CARMIL1: variants seen among roughly 807,000 people sequenced by gnomAD.
CARMIL1 encodes F-actin-uncapping protein LRRC16A.
CARMIL1 carries 90 observed loss-of-function variants against 177.1 expected under a neutral mutation model. That is an observed-to-expected ratio of 0.51 (90% CI 0.43 to 0.61). The LOEUF (loss-of-function observed/expected upper bound fraction) is 0.61. Among genes scored for constraint, CARMIL1 ranks in the 20% least tolerant of loss-of-function variants. The pLI is 0.00. For synonymous variants in CARMIL1, 577 were observed against 606.2 expected (o/e 0.95, Z 0.71); for missense variants, 1,380 against 1,667.0 (o/e 0.83, Z 3.00).
intron 2 of CARMIL1, among the ~76,000 whole-genome samples, chr6:25,321,827 T>G (rs1022370788): frequency 6.0e-5 from 9 of 151,210 alleles, no homozygotes; most frequent in Non-Finnish European, 1.2e-4. Context: ...CCCGGCTAAT[T>G]TTTTGTATTT....
chr6:25,532,114 T>C (rs1807820587), intron 24 of CARMIL1, among the ~76,000 whole-genome samples: 1 of 148,012 alleles, frequency 6.8e-6, no homozygotes, highest in Non-Finnish European at 1.5e-5. Context: ...TTTCCTTTTT[T>C]TTGAGACAGA....
intron 5 of CARMIL1, among the ~76,000 whole-genome samples, chr6:25,437,699 C>T (rs1797353349): frequency 6.6e-6 from 1 of 152,194 alleles, no homozygotes; most frequent in East Asian, 1.9e-4. Context: ...TTCTGTATTT[C>T]TGTCTCAATT....
intron 2 of CARMIL1, among the ~76,000 whole-genome samples, chr6:25,373,615 G>A (rs375189259): frequency 2.8e-5 from 4 of 142,052 alleles, no homozygotes; most frequent in South Asian, 4.4e-4. Context: ...ACAGAGTCTC[G>A]CTTTATCACC....
intron 2 of CARMIL1, among the ~76,000 whole-genome samples, chr6:25,308,570 A>G (rs1297330682): frequency 6.6e-6 from 1 of 151,784 alleles, no homozygotes; most frequent in African/African-American, 2.4e-5. Flanking sequence ...TTTCATAGAG[A>G]TGGGGTTTCA....
intron 32 of CARMIL1, among the ~76,000 whole-genome samples, chr6:25,596,357 T>C (rs1267950653): frequency 6.6e-6 from 1 of 152,148 alleles, no homozygotes; most frequent in Non-Finnish European, 1.5e-5. Flanking sequence ...GGTCAAGGGA[T>C]AGGTAAAATC....
intron 3 of CARMIL1, among the ~76,000 whole-genome samples, chr6:25,425,982 T>TGTAACAAA (rs1796247798): frequency 6.6e-6 from 1 of 152,080 alleles, no homozygotes; most frequent in South Asian, 2.1e-4. Context: ...AGCTGAAGGT[T>TGTAACAAA]TAGAAAGAAG....
chr6:25,285,908 G>A (rs1332449445), intron 2 of CARMIL1, among the ~76,000 whole-genome samples: 1 of 152,024 alleles, frequency 6.6e-6, no homozygotes, highest in South Asian at 2.1e-4. Context: ...ATTTCAGTCT[G>A]TTGCCCAGGC....
At chr6:25,317,362 G>A (rs939220539) in intron 2 of CARMIL1, among the ~76,000 whole-genome samples, 2 of 151,896 alleles carry the variant, frequency 1.3e-5, no homozygotes, top group African/African-American at 4.8e-5. Flanking sequence ...GAACTCCTGG[G>A]CTCAAGCAAT....
chr6:25,543,054 T>G (rs1268529621), intron 26 of CARMIL1, among the ~76,000 whole-genome samples: 1 of 152,160 alleles, frequency 6.6e-6, no homozygotes, highest in Non-Finnish European at 1.5e-5. Flanking sequence ...TTTGTAAAAA[T>G]AGTTTTTATT....
At chr6:25,586,911 C>A (rs1285193769) in intron 31 of CARMIL1, among the ~76,000 whole-genome samples, 1 of 151,736 alleles carries the variant, frequency 6.6e-6, no homozygotes, top group Non-Finnish European at 1.5e-5. Context: ...GCAGTACAGT[C>A]CAGCCTCGGC....
chr6:25,534,576 A>C (rs1021564370), intron 24 of CARMIL1, among the ~76,000 whole-genome samples: 1 of 152,108 alleles, frequency 6.6e-6, no homozygotes. Flanking sequence ...TTTGGATAAA[A>C]TTTTTTTAAA....
chr6:25,323,080 A>C (rs1346434083), intron 2 of CARMIL1, among the ~76,000 whole-genome samples: 1 of 152,140 alleles, frequency 6.6e-6, no homozygotes. Context: ...AAGTAATTCC[A>C]GATTCATTTG....
At chr6:25,334,309 C>T (rs1050049059) in intron 2 of CARMIL1, among the ~76,000 whole-genome samples, 1 of 152,156 alleles carries the variant, frequency 6.6e-6, no homozygotes, top group Admixed American at 6.5e-5. Context: ...TCACTTATAC[C>T]GATTAATTAC....
chr6:25,606,071 G>A lies in CARMIL1; in HGVS notation c.3645G>A (p.Leu1215=). The part of the protein sequence containing the change: ...RSDGGGAVPK[L]HPGLPENRFG... ...CCTTTTTCATCTTAGTGCCTAAACTGCACCCAGGTCTTCCAGAGAACCGCT... is the reference window on the plus strand; with the variant it reads ...CCTTTTTCATCTTAGTGCCTAAACTACACCCAGGTCTTCCAGAGAACCGCT... Residue 1215 remains leucine (L), a synonymous_variant, in exon 35 of 37, where the codon CTG becomes CTA. Transcript: ENST00000329474. The A allele has an allele frequency of 6.2e-7, 1 of 1,613,198 alleles. No individual in the cohort carries two copies. Among genetic ancestry groups the A allele is most frequent in the Non-Finnish European group, 8.5e-7 (1 of 1,179,490 alleles).
intron 2 of CARMIL1, among the ~76,000 whole-genome samples, chr6:25,336,451 T>C (rs1179132035): frequency 2.0e-5 from 3 of 152,220 alleles, no homozygotes; most frequent in Non-Finnish European, 4.4e-5. Context: ...GTGTGGGCTG[T>C]GGTCTCAGGT....
At chr6:25,424,699 A>T (rs1212247785) in intron 3 of CARMIL1, among the ~76,000 whole-genome samples, 2 of 152,192 alleles carry the variant, frequency 1.3e-5, no homozygotes, top group Admixed American at 6.5e-5. Flanking sequence ...TTGAATATTG[A>T]TGAAAGTGAA....
intron 2 of CARMIL1, among the ~76,000 whole-genome samples, chr6:25,376,365 C>T (rs565064224): frequency 6.6e-6 from 1 of 152,330 alleles, no homozygotes; most frequent in East Asian, 1.9e-4. Flanking sequence ...TAGGCATGAG[C>T]CACCGTATCT....
rs1359277118 is a variant in CARMIL1, at chr6:25,489,311, G to A, written c.1065+726G>A. ...GATGGTTATAGGTTACAATTGAAAGGGAGTATTGGGATAAACCTGAGCACT... is the reference window on the plus strand; with the variant it reads ...GATGGTTATAGGTTACAATTGAAAGAGAGTATTGGGATAAACCTGAGCACT... On this transcript the variant is annotated intron_variant, in intron 13 of 36. Transcript: ENST00000329474. 1.3e-5 allele frequency among the ~76,000 whole-genome samples: 2 copies of A among 152,070 alleles called. 1 individual carries two copies. Among genetic ancestry groups the A allele is most frequent in the Admixed American group, 1.3e-4 (2 of 15,274 alleles).
At chr6:25,330,021 G>A (rs1228674021) in intron 2 of CARMIL1, among the ~76,000 whole-genome samples, 6 of 152,222 alleles carry the variant, frequency 3.9e-5, no homozygotes, top group Non-Finnish European at 8.8e-5. Context: ...ACTGTTGTAG[G>A]TCAGGAAATT....
Sources: gnomAD v4.1 joint callset for allele counts (sites outside exome capture counted in the v4.1 genomes callset) on GRCh38, gnomAD v4.1.1 for gene constraint, MANE v1.5 for transcripts, NCBI Gene and HGNC (gene_info 2026-07-23, HGNC 2026-07-21) for gene names.